The following RAB11A variants were observed in gnomAD, a reference collection of about 807,000 sequenced individuals.
RAB11A encodes the protein ras-related protein Rab-11A.
A neutral mutation model predicts 28.0 loss-of-function variants in RAB11A; 9 were observed. That is an observed-to-expected ratio of 0.32 (90% CI 0.19 to 0.56). RAB11A has a LOEUF of 0.56. RAB11A is among the 20% of genes least tolerant of loss of function. The probability of loss-of-function intolerance (pLI) is 0.91; values close to 1 mark genes in which losing one functional copy is unlikely to be tolerated. For missense variants in RAB11A, 108 were observed against 269.6 expected, an observed-to-expected ratio of 0.40 and a Z score of 4.20; for synonymous variants, 85 against 88.2, an observed-to-expected ratio of 0.96 and a Z score of 0.20.
chr15:65,883,073 A>G (rs1275978692), intron 4 of RAB11A, among the ~76,000 whole-genome samples: 1 of 152,146 alleles, frequency 6.6e-6, no homozygotes, highest in Non-Finnish European at 1.5e-5. Context: ...AGTACTTTTC[A>G]GTGTATATTT....
chr15:65,881,454 G>T (rs972242103), intron 4 of RAB11A, among the ~76,000 whole-genome samples: 26 of 152,142 alleles, frequency 1.7e-4, no homozygotes, highest in African/African-American at 5.8e-4. Context: ...CCTTAAAGAT[G>T]TGTGAGCATT....
intron 1 of RAB11A, 119 bp downstream of exon 1, chr15:65,869,744 T>C (rs1471931624): frequency 4.5e-6 from 5 of 1,115,966 alleles, no homozygotes; most frequent in Non-Finnish European, 6.2e-6. Context: ...CCCTTCCTTT[T>C]TGTGCGGTTC....
At chr15:65,875,290 A>T (rs1356467289) in intron 1 of RAB11A, among the ~76,000 whole-genome samples, 2 of 150,576 alleles carry the variant, frequency 1.3e-5, no homozygotes, top group Non-Finnish European at 3.0e-5. Flanking sequence ...TTTTGTATTT[A>T]AATTTTTTTT....
At chr15:65,876,946 G>A (rs1427253471) in intron 1 of RAB11A, among the ~76,000 whole-genome samples, 1 of 152,096 alleles carries the variant, frequency 6.6e-6, no homozygotes, top group African/African-American at 2.4e-5. Flanking sequence ...TATTCATTTA[G>A]TTTAGGATTT....
intron 4 of RAB11A, among the ~76,000 whole-genome samples, chr15:65,883,664 C>A (rs2078236463): frequency 2.6e-5 from 4 of 151,946 alleles, no homozygotes. Flanking sequence ...AAGCAATTCT[C>A]GTGTCTCAGC....
At chr15:65,886,258 A>G (rs2078255040) in intron 4 of RAB11A, among the ~76,000 whole-genome samples, 2 of 152,318 alleles carry the variant, frequency 1.3e-5, no homozygotes, top group Admixed American at 6.5e-5. Flanking sequence ...ACAGGTTACT[A>G]TTGAGCACTT....
At chr15:65,872,523 T>C (rs2414890) in intron 1 of RAB11A, among the ~76,000 whole-genome samples, 49,192 of 150,730 alleles carry the variant, frequency 0.33, 8,757 homozygotes, top group East Asian at 0.67. Context: ...CAACCTCTGC[T>C]TCCTGGGTTC....
intron 4 of RAB11A, among the ~76,000 whole-genome samples, chr15:65,881,262 C>T (rs1055815258): frequency 2.6e-5 from 4 of 152,060 alleles, no homozygotes; most frequent in African/African-American, 9.7e-5. Flanking sequence ...TCTGCAAGTC[C>T]TTGTTTTCTT....
At chr15:65,887,119 C>A (rs1284139757) in intron 4 of RAB11A, among the ~76,000 whole-genome samples, 2 of 149,628 alleles carry the variant, frequency 1.3e-5, no homozygotes, top group Non-Finnish European at 3.0e-5. Context: ...ACTGAAAATA[C>A]TCTTATGGTT....
In RAB11A at chr15:65,877,317, T is replaced by C. The variant is rs760322523; in HGVS notation, c.41-15T>C. On this transcript the variant is annotated splice_polypyrimidine_tract_variant and intron_variant, in intron 1 of 4. Coordinates refer to ENST00000261890, the MANE Select transcript of RAB11A (RefSeq NM_004663.5). This position sits in a 1 kb window ranked among gnomAD's most constrained non-coding sequence, Gnocchi z 4.1. Reference sequence around the variant, plus strand: ...TTGCCTCATTCATCTGACATTGAATTCTTTGTCTTTCCAGTTGTCCTTATT... The same window carrying C: ...TTGCCTCATTCATCTGACATTGAATCCTTTGTCTTTCCAGTTGTCCTTATT... 5.6e-6 allele frequency: 9 copies of C among 1,595,648 alleles called. No homozygotes were observed. The South Asian group carries it at 1.0e-4, about 18-fold the overall frequency.
Position 65,869,551 on chromosome 15 carries a change from C to T in RAB11A, c.-35C>T. On this transcript the variant is annotated 5_prime_UTR_variant, in exon 1 of 5. Coordinates refer to ENST00000261890, the MANE Select transcript of RAB11A (RefSeq NM_004663.5). ...ACGCCCCCTGGTCCCACAGATACCA[C>T]TGCTGCTCCCGCCCTTTCGCTCCTC... 6.2e-7 allele frequency: 1 copy of T among 1,607,018 alleles called. No homozygotes were observed. The highest frequency in any genetic ancestry group is 8.5e-7 in the Non-Finnish European group (1 of 1,178,604).
chr15:65,870,582 G>C (rs1289403587), intron 1 of RAB11A, among the ~76,000 whole-genome samples: 1 of 152,206 alleles, frequency 6.6e-6, no homozygotes, highest in Non-Finnish European at 1.5e-5. Context: ...CCTGGTTCCT[G>C]AGCAGGAAAG....
rs1476527403 is a variant in RAB11A at position 65,877,537 on chromosome 15, A to G, written c.236+10A>G. ...GAGCTATAACATCAGCGTAAGTCTC[A>G]TGGTTTTTAAGTTCTGTGAAATGGG... On this transcript the variant is annotated intron_variant, in intron 2 of 4. Coordinates refer to ENST00000261890, the MANE Select transcript of RAB11A (RefSeq NM_004663.5). This position sits in a 1 kb window ranked among gnomAD's most constrained non-coding sequence, Gnocchi z 4.1. 6.2e-6 allele frequency: 10 copies of G among 1,604,910 alleles called. No individual in the cohort carries two copies. The highest frequency in any genetic ancestry group is 5.4e-5 in the African/African-American group (4 of 74,638).
rs950662031 is a variant in RAB11A, at chr15:65,890,932, A to G, written c.*3092A>G. On this transcript the variant is annotated 3_prime_UTR_variant, in exon 5 of 5. Coordinates refer to ENST00000261890, the MANE Select transcript of RAB11A (RefSeq NM_004663.5). ...ATCACATACCTGGAAAAAAATTAAAACAAAAAATGAATTTTGTAAAAGGTT... is the reference window on the plus strand; with the variant it reads ...ATCACATACCTGGAAAAAAATTAAAGCAAAAAATGAATTTTGTAAAAGGTT... 4 of 152,256 alleles carry G rather than the reference A, an allele frequency of 2.6e-5. No individual in the cohort carries two copies. The highest frequency in any genetic ancestry group is 5.9e-5 in the Non-Finnish European group (4 of 68,042). 9.4% of individuals were successfully genotyped at this position (152,256 alleles called of 1,614,324 possible).
chr15:65,887,685 TTC>T lies in RAB11A; in HGVS notation c.512-14_512-13del. 6.2e-7 allele frequency: 1 copy of T among 1,604,622 alleles called. No individual in the cohort carries two copies. ...GTTTATTCACACTAAGTATTGTGGT[TTC>T]TTTTTTCCTTCAGAGATTTACCGCA... On this transcript the variant is annotated splice_polypyrimidine_tract_variant and intron_variant, in intron 4 of 4. Transcript: ENST00000261890.
At chr15:65,876,464 T>A (rs954335389) in intron 1 of RAB11A, among the ~76,000 whole-genome samples, 48 of 152,008 alleles carry the variant, frequency 3.2e-4, no homozygotes, top group African/African-American at 9.4e-4. Context: ...ACCTGGCTAA[T>A]TTTTGTATTT....
chr15:65,879,621 A>G, intron 3 of RAB11A, 50 bp from the exon 4 acceptor site: 1 of 1,421,132 alleles, frequency 7.0e-7, no homozygotes, highest in Non-Finnish European at 9.8e-7. Flanking sequence ...AGTATATCCT[A>G]TTCCTTGTTT....
chr15:65,878,992 T>C, intron 3 of RAB11A, among the ~76,000 whole-genome samples: 1 of 67,776 alleles, frequency 1.5e-5, no homozygotes, highest in Non-Finnish European at 2.8e-5. Context: ...ATTTCTCACT[T>C]TTTTTTTTTT....
At chr15:65,872,726 G>A (rs934808291) in intron 1 of RAB11A, among the ~76,000 whole-genome samples, 2 of 152,166 alleles carry the variant, frequency 1.3e-5, no homozygotes, top group African/African-American at 4.8e-5. Flanking sequence ...GAGCCACCGT[G>A]CCTGGCCAGA....
Sources: allele counts gnomAD v4.1 joint callset (sites outside exome capture counted in the v4.1 genomes callset), GRCh38; gene constraint gnomAD v4.1.1; non-coding constraint Gnocchi (gnomAD v3.1); transcripts MANE v1.5; gene names NCBI Gene and HGNC (gene_info 2026-07-23, HGNC 2026-07-21).